FRMD4B: variants seen among roughly 807,000 people sequenced by gnomAD.
The protein encoded by FRMD4B is FERM domain-containing protein 4B.
A neutral mutation model predicts 141.5 loss-of-function variants in FRMD4B; 74 were observed. The observed-to-expected ratio is 0.52, with a 90% confidence interval of 0.43 to 0.63. FRMD4B has a LOEUF of 0.63. FRMD4B is among the 30% of genes least tolerant of loss of function. The pLI is 0.00. For synonymous variants in FRMD4B, 506 were observed against 467.9 expected (o/e 1.08, Z -1.05); for missense variants, 1,366 against 1,253.4 (o/e 1.09, Z -1.36).
At chr3:69,274,446 C>T (rs1446669352) in intron 5 of FRMD4B, among the ~76,000 whole-genome samples, 2 of 152,124 alleles carry the variant, frequency 1.3e-5, no homozygotes, top group Non-Finnish European at 2.9e-5. Context: ...GGGGAGATGG[C>T]TAAGTCTTGT....
At chr3:69,261,763 C>T (rs1296323647) in intron 5 of FRMD4B, among the ~76,000 whole-genome samples, 2 of 152,154 alleles carry the variant, frequency 1.3e-5, no homozygotes, top group Non-Finnish European at 2.9e-5. Context: ...ACCTCCACCT[C>T]CCGGGATCAA....
At position 69,181,455 on chromosome 3, in the gene FRMD4B, C is replaced by T. The variant is rs370502942; in HGVS notation, c.2295G>A (p.Arg765=). ...TLDTRTRGRR[R]SKKQNVSTSN... ...AAGTAGAAACATTCTGTTTCTTTGA[C>T]CTCCTCCGACCCCTGGTGCGAGTGT... The change falls in exon 21 of 23, where the codon AGG becomes AGA. Residue 765 remains arginine (R), a synonymous_variant. Transcript: ENST00000398540. 1.9e-5 allele frequency: 30 copies of T among 1,613,792 alleles called. No homozygotes were observed. The Admixed American group carries it at 2.2e-4, about 12-fold the overall frequency.
rs1175250592 is a variant in FRMD4B at position 69,265,269 on chromosome 3, AATAT to A, written c.502-15174_502-15171del. ...GACTCCATCTCAAAAAAAAAAAAAA[AATAT>A]ATATATATATATATATATATATATA... On this transcript the variant is annotated intron_variant, in intron 5 of 22. Transcript: ENST00000398540. Among the ~76,000 whole-genome samples the A allele has an allele frequency of 2.1e-3, 49 of 23,428 alleles. 1 individual carries two copies. Among genetic ancestry groups the A allele is most frequent in the African/African-American group, 7.9e-3 (48 of 6,048 alleles). 15.4% of individuals were successfully genotyped at this position (23,428 alleles called of 152,430 possible). A position where few individuals can be genotyped will look rare whatever the true frequency, so the allele number is the denominator to read the frequency against.
intron 1 of FRMD4B, among the ~76,000 whole-genome samples, chr3:69,320,450 G>A (rs576270986): frequency 1.3e-4 from 19 of 151,958 alleles, no homozygotes; most frequent in African/African-American, 4.6e-4. Flanking sequence ...GAAATTAGCC[G>A]GGCATTGTGG....
intron 1 of FRMD4B, among the ~76,000 whole-genome samples, chr3:69,380,902 G>A (rs957136351): frequency 6.6e-6 from 1 of 152,186 alleles, no homozygotes; most frequent in Non-Finnish European, 1.5e-5. Flanking sequence ...AGCAAAGGGT[G>A]TTGATTATTT....
At chr3:69,511,897 A>C (rs1391679243) in intron 1 of FRMD4B, among the ~76,000 whole-genome samples, 1 of 152,164 alleles carries the variant, frequency 6.6e-6, no homozygotes, top group Non-Finnish European at 1.5e-5. Flanking sequence ...ACTATATACA[A>C]CTTAGAAGAG....
At chr3:69,497,769 G>T (rs1706426650) in intron 1 of FRMD4B, among the ~76,000 whole-genome samples, 1 of 152,002 alleles carries the variant, frequency 6.6e-6, no homozygotes, top group Non-Finnish European at 1.5e-5. Context: ...GAGTGCAATG[G>T]TTCTTCACAG....
intron 7 of FRMD4B, among the ~76,000 whole-genome samples, chr3:69,237,975 G>A (rs1473483315): frequency 6.6e-6 from 1 of 152,168 alleles, no homozygotes; most frequent in Non-Finnish European, 1.5e-5. Flanking sequence ...CAGGCAATCG[G>A]CCGGCGTTGG....
At chr3:69,494,290 T>A (rs1706351146) in intron 1 of FRMD4B, among the ~76,000 whole-genome samples, 1 of 152,144 alleles carries the variant, frequency 6.6e-6, no homozygotes, top group African/African-American at 2.4e-5. Context: ...ATAGATGTGG[T>A]CACTAGGCTG....
At position 69,514,452 on chromosome 3, in the gene FRMD4B, G is replaced by T. The variant is rs376273060; in HGVS notation, c.-129+27754C>A. 3.8e-4 allele frequency among the ~76,000 whole-genome samples: 58 copies of T among 152,226 alleles called. 1 individual carries two copies. Among genetic ancestry groups the T allele is most frequent in the Admixed American group, 2.6e-4 (4 of 15,284 alleles). The stretch of plus-strand genomic sequence containing the variant: ...TGCCTGTAATCCCAACACTTTGGGA[G>T]GCCAAGGCAGGTAGAACACTTGAGG... On this transcript the variant is annotated intron_variant, in intron 1 of 5. Coordinates refer to the FRMD4B transcript ENST00000459638.
chr3:69,476,607 C>G lies in FRMD4B; in HGVS notation c.-128-43846G>C, dbSNP rs1428984810. On this transcript the variant is annotated intron_variant, in intron 1 of 5. Transcript: ENST00000459638. ...TACCCTGCTGTTTTGGTTACTCTAGCCTTGTAGTATAGTTTGAAGTCAGGT... is the reference window on the plus strand; with the variant it reads ...TACCCTGCTGTTTTGGTTACTCTAGGCTTGTAGTATAGTTTGAAGTCAGGT... Among the ~76,000 whole-genome samples the G allele has an allele frequency of 6.6e-5, 10 of 152,130 alleles. No homozygotes were observed. In the East Asian group the frequency reaches 7.7e-4, roughly 12 times the overall value.
intron 1 of FRMD4B, among the ~76,000 whole-genome samples, chr3:69,435,828 A>G (rs1705252032): frequency 6.6e-6 from 1 of 152,192 alleles, no homozygotes; most frequent in Non-Finnish European, 1.5e-5. Flanking sequence ...AACACTGGAA[A>G]ATCCCTTAGG....
intron 2 of FRMD4B, among the ~76,000 whole-genome samples, chr3:69,413,928 T>A (rs1371287246): frequency 6.6e-6 from 1 of 152,224 alleles, no homozygotes; most frequent in Non-Finnish European, 1.5e-5. Flanking sequence ...TTTGTTTACA[T>A]TAATGTCATT....
rs534695025 is a variant in FRMD4B, at chr3:69,498,183, A to G, written c.-129+44023T>C. ...AACAATGCCTCCAGAGTTGGACCTC[A>G]AGTGAGAACTGAGGAGGACACCAGA... On this transcript the variant is annotated intron_variant, in intron 1 of 5. Transcript: ENST00000459638. Among the ~76,000 whole-genome samples, 16 of 152,324 alleles carry G rather than the reference A, an allele frequency of 1.1e-4. No individual in the cohort carries two copies. The South Asian group carries it at 3.3e-3, about 32-fold the overall frequency.
chr3:69,401,085 C>T (rs75310403), intron 2 of FRMD4B, among the ~76,000 whole-genome samples: 5,445 of 152,152 alleles, frequency 0.036, 324 homozygotes, highest in African/African-American at 0.12. Context: ...ATTTAAGATA[C>T]ACAGCATAGA....
chr3:69,219,593 C>A (rs2093174340), intron 9 of FRMD4B, among the ~76,000 whole-genome samples: 1 of 151,930 alleles, frequency 6.6e-6, no homozygotes, highest in African/African-American at 2.4e-5. Flanking sequence ...TAAGACTCTG[C>A]ATTTAAGCAT....
At chr3:69,189,994 A>G in intron 17 of FRMD4B, 42 bp from the exon 18 acceptor site, 2 of 1,160,764 alleles carry the variant, frequency 1.7e-6, no homozygotes, top group Non-Finnish European at 2.6e-6. Context: ...TTGTGCATTT[A>G]TACAATTAGA....
In FRMD4B at chr3:69,269,596, A is replaced by G. The variant is rs140619213; in HGVS notation, c.501+18156T>C. Among the ~76,000 whole-genome samples the G allele has an allele frequency of 2.9e-3, 444 of 152,316 alleles. 1 individual carries two copies. Among genetic ancestry groups the G allele is most frequent in the African/African-American group, 0.01 (433 of 41,584 alleles). ...TATAAACAATCTTGGCTGGTGTCCA[A>G]CACCCCTGAATTACTGACTTCACTT... On this transcript the variant is annotated intron_variant, in intron 5 of 22. Coordinates refer to ENST00000398540, the MANE Select transcript of FRMD4B (RefSeq NM_015123.3).
chr3:69,402,882 T>A (rs186954488), intron 2 of FRMD4B, among the ~76,000 whole-genome samples: 1 of 152,280 alleles, frequency 6.6e-6, no homozygotes, highest in Admixed American at 6.5e-5. Flanking sequence ...AATCACTGGA[T>A]GGAGAGTGAT....
Sources: gnomAD v4.1 joint callset for allele counts (sites outside exome capture counted in the v4.1 genomes callset) on GRCh38, gnomAD v4.1.1 for gene constraint, MANE v1.5 for transcripts, NCBI Gene and HGNC (gene_info 2026-07-23, HGNC 2026-07-21) for gene names.